The following ZFPM1 variants were observed in gnomAD, a reference collection of about 807,000 sequenced individuals.
The protein encoded by ZFPM1 is zinc finger protein, FOG family member 1.
In ZFPM1, 28 loss-of-function variants were observed where a neutral mutation model predicts 46.3. The observed-to-expected ratio is 0.60, with a 90% CI of 0.45 to 0.83. The LOEUF is 0.83. Among genes scored for constraint, ZFPM1 ranks in the 40% least tolerant of loss-of-function variants. ZFPM1 has a pLI of 0.00. For synonymous variants in ZFPM1, 957 were observed against 675.9 expected, an observed-to-expected ratio of 1.42 and a Z score of -6.45; for missense variants, 1,878 against 1,432.4, an observed-to-expected ratio of 1.31 and a Z score of -5.02.
chr16:88,483,297 A>G (rs1003270288), intron 1 of ZFPM1, among the ~76,000 whole-genome samples: 3 of 146,388 alleles, frequency 2.0e-5, no homozygotes, highest in African/African-American at 5.1e-5. Flanking sequence ...AGGACCCCCC[A>G]TGGCTCCCCG....
chr16:88,532,099 C>G lies in ZFPM1; in HGVS notation c.810C>G (p.Thr270=), dbSNP rs911885792. 6.2e-7 allele frequency: 1 copy of G among 1,612,284 alleles called. No homozygotes were observed. Among genetic ancestry groups the G allele is most frequent in the South Asian group, 1.1e-5 (1 of 91,052 alleles). ...LLYYCASRQG[T]GSPAAAATDE... ...ACTACTGCGCCAGCCGCCAGGGCAC[C>G]GGCTCCCCGGCCGCAGCCGCCACAG... The change falls in exon 7 of 10, where the codon ACC becomes ACG. Residue 270 remains threonine (T), a synonymous_variant. Coordinates refer to ENST00000319555, the MANE Select transcript of ZFPM1 (RefSeq NM_153813.3).
chr16:88,528,206 T>C lies in ZFPM1; in HGVS notation c.680T>C (p.Met227Thr). The change falls in exon 6 of 10, where the codon ATG becomes ACG. Residue 227 changes from methionine to threonine, a missense_variant. Met to Thr is a moderately conservative substitution (Grantham distance 81). Transcript: ENST00000319555. ...CAGCTCCTGCCCCAGCAGGCCGGGA[T>C]GGCCTCCATCCTTGCCACCGCAGTG... ...DLQLLPQQAG[M>T]ASILATAVIN... is the part of the protein sequence containing the mutation. 6.2e-7 allele frequency: 1 copy of C among 1,610,184 alleles called. No individual in the cohort carries two copies. Among genetic ancestry groups the C allele is most frequent in the Non-Finnish European group, 8.5e-7 (1 of 1,179,328 alleles).
At position 88,528,024 on chromosome 16, in the gene ZFPM1, C is replaced by T. The variant is rs1164752842; in HGVS notation, c.506-8C>T. 4 of 1,533,878 alleles carry T rather than the reference C, an allele frequency of 2.6e-6. No homozygotes were observed. Among genetic ancestry groups the T allele is most frequent in the South Asian group, 1.2e-5 (1 of 83,074 alleles). On this transcript the variant is annotated splice_polypyrimidine_tract_variant and splice_region_variant and intron_variant, in intron 5 of 9. Transcript: ENST00000319555. ...AAGTCCTAGGTTTGGACACCTGTCT[C>T]CCTCCAGATGACGCACTCTGGTGCA... is the stretch of plus-strand genomic sequence containing the variant.
intron 4 of ZFPM1, among the ~76,000 whole-genome samples, chr16:88,526,469 G>A (rs1008365518): frequency 1.2e-4 from 19 of 152,086 alleles, no homozygotes; most frequent in South Asian, 4.1e-4. Context: ...ACGCAGACCC[G>A]GGTGTGAGTT....
At chr16:88,475,333 A>C (rs1908626861) in intron 1 of ZFPM1, among the ~76,000 whole-genome samples, 1 of 152,176 alleles carries the variant, frequency 6.6e-6, no homozygotes, top group Non-Finnish European at 1.5e-5. Context: ...GCAGGAGCGC[A>C]CGCGATGGGA....
intron 1 of ZFPM1, among the ~76,000 whole-genome samples, chr16:88,475,315 T>C (rs1908626120): frequency 6.6e-6 from 1 of 151,946 alleles, no homozygotes; most frequent in South Asian, 2.1e-4. Flanking sequence ...ACAGGGACCA[T>C]GGTGAGGGCA....
At chr16:88,495,985 C>G (rs531809559) in intron 3 of ZFPM1, among the ~76,000 whole-genome samples, 22 of 152,286 alleles carry the variant, frequency 1.4e-4, no homozygotes, top group African/African-American at 5.1e-4. Flanking sequence ...GGCTCCGGGG[C>G]AGGCTCCCAG....
chr16:88,505,704 T>A (rs553129646), intron 3 of ZFPM1, among the ~76,000 whole-genome samples: 4 of 152,190 alleles, frequency 2.6e-5, no homozygotes, highest in African/African-American at 9.6e-5. Flanking sequence ...ACGCAGCCCA[T>A]GCCGCCTGTC....
In ZFPM1 at chr16:88,522,852, C is replaced by T. The variant is rs149594171; in HGVS notation, c.403-3962C>T. Among the ~76,000 whole-genome samples the T allele has an allele frequency of 8.2e-4, 125 of 152,280 alleles. 1 individual carries two copies. The highest frequency in any genetic ancestry group is 2.6e-3 in the African/African-American group (110 of 41,568). The stretch of plus-strand genomic sequence containing the variant: ...GTGGCACCCTGGGAGGGAAGATGGC[C>T]GCAGCACCCACATCTCTGAGAGTCT... On this transcript the variant is annotated intron_variant, in intron 4 of 9. Coordinates refer to ENST00000319555, the MANE Select transcript of ZFPM1 (RefSeq NM_153813.3).
intron 1 of ZFPM1, among the ~76,000 whole-genome samples, chr16:88,460,781 C>T (rs1044994744): frequency 7.2e-5 from 11 of 152,316 alleles, no homozygotes; most frequent in Middle Eastern, 3.4e-3. Context: ...CCCCTGGTCC[C>T]GCGTCAGGAA....
intron 4 of ZFPM1, among the ~76,000 whole-genome samples, chr16:88,522,727 G>A (rs375356748): frequency 2.0e-5 from 3 of 152,288 alleles, no homozygotes; most frequent in African/African-American, 2.4e-5. Flanking sequence ...AGGGCCCAGA[G>A]GAGGGACAGG....
At chr16:88,517,483 G>GATGA (rs1911412903) in intron 4 of ZFPM1, among the ~76,000 whole-genome samples, 4 of 135,020 alleles carry the variant, frequency 3.0e-5, no homozygotes, top group African/African-American at 1.3e-4. Context: ...TGGGTGGATG[G>GATGA]ATGGATGGAT....
chr16:88,507,785 C>T (rs1169970413), intron 3 of ZFPM1, among the ~76,000 whole-genome samples: 1 of 152,192 alleles, frequency 6.6e-6, no homozygotes, highest in Non-Finnish European at 1.5e-5. Context: ...TGCACCCAGG[C>T]ATTCGGATGC....
In ZFPM1 at chr16:88,514,606, G is replaced by A. The variant is rs1257203818; in HGVS notation, c.402+86G>A. On this transcript the variant is annotated intron_variant, in intron 4 of 9. Transcript: ENST00000319555. ...GGGGACAGGCCCAGCTTAGATGCCA[G>A]CTCCGGGGCTCTGGCCACTTGAAGA... 9 of 1,424,262 alleles carry A rather than the reference G, an allele frequency of 6.3e-6. No homozygotes were observed. The African/African-American group carries it at 1.3e-4, about 21-fold the overall frequency. 88.2% of individuals were successfully genotyped at this position (1,424,262 alleles called of 1,614,324 possible).
At chr16:88,463,675 AC>A (rs752957168) in intron 1 of ZFPM1, among the ~76,000 whole-genome samples, 2 of 152,248 alleles carry the variant, frequency 1.3e-5, no homozygotes, top group Non-Finnish European at 2.9e-5. Flanking sequence ...CGGGGAAACC[AC>A]CCGGCAAATA....
chr16:88,465,509 C>T (rs1180641828), intron 1 of ZFPM1, among the ~76,000 whole-genome samples: 6 of 152,254 alleles, frequency 3.9e-5, no homozygotes, highest in African/African-American at 1.4e-4. Flanking sequence ...GCCTTGACAG[C>T]AATGCAATGC....
In ZFPM1 at chr16:88,497,038, C is replaced by T. The variant is rs976009997; in HGVS notation, c.268+7885C>T. On this transcript the variant is annotated intron_variant, in intron 3 of 9. Coordinates refer to ENST00000319555, the MANE Select transcript of ZFPM1 (RefSeq NM_153813.3). The surrounding 1 kb of genome is among the most constrained non-coding windows in gnomAD (Gnocchi z 5.4). The stretch of plus-strand genomic sequence containing the variant: ...ACACACCTGCTCCTGGCTCGCTCCA[C>T]CCGTAAGTGCCTCAGGACCTGGAGC... Among the ~76,000 whole-genome samples, 1 of 152,202 alleles carries T rather than the reference C, an allele frequency of 6.6e-6. No individual in the cohort carries two copies. Among genetic ancestry groups the T allele is most frequent in the African/African-American group, 2.4e-5 (1 of 41,452 alleles).
At chr16:88,489,283 GC>G (rs1488202184) in intron 3 of ZFPM1, 130 bp downstream of exon 3, 2 of 1,381,550 alleles carry the variant, frequency 1.4e-6, no homozygotes, top group Non-Finnish European at 1.9e-6. Context: ...CCAGGCCTGT[GC>G]CTAGTCCAAA....
At position 88,532,916 on chromosome 16, in the gene ZFPM1, A is replaced by T; in HGVS notation, c.1170A>T (p.Pro390=). The T allele has an allele frequency of 1.9e-6, 3 of 1,613,120 alleles. No individual in the cohort carries two copies. The highest frequency in any genetic ancestry group is 2.5e-6 in the Non-Finnish European group (3 of 1,179,968). The change falls in exon 9 of 10, where the codon CCA becomes CCT. Residue 390 remains proline (P), a synonymous_variant. Transcript: ENST00000319555. The stretch of plus-strand genomic sequence containing the variant: ...TCTACTCGCCAGGGGCCGGACACCC[A>T]GCAACCAAGCTGCCCCCAGGTGAGC... The part of the protein sequence containing the change: ...GEIYSPGAGH[P]ATKLPPDSLG...
Sources: gnomAD v4.1 joint callset for allele counts (sites outside exome capture counted in the v4.1 genomes callset) on GRCh38, gnomAD v4.1.1 for gene constraint, Gnocchi (gnomAD v3.1) non-coding constraint, MANE v1.5 for transcripts, NCBI Gene and HGNC (gene_info 2026-07-23, HGNC 2026-07-21) for gene names.